The following MLPH variants were observed in gnomAD, a reference collection of about 807,000 sequenced individuals.
The protein encoded by MLPH is exophilin-3.
A neutral mutation model predicts 72.1 loss-of-function variants in MLPH; 51 were observed. The observed-to-expected ratio is 0.71, with a 90% CI of 0.56 to 0.89. MLPH has a LOEUF of 0.89. Among genes scored for constraint, MLPH ranks in the 40% least tolerant of loss-of-function variants. MLPH has a pLI of 0.00. For synonymous variants in MLPH, 301 were observed against 310.1 expected, an observed-to-expected ratio of 0.97 and a Z score of 0.31; for missense variants, 743 against 759.9, an observed-to-expected ratio of 0.98 and a Z score of 0.26.
rs574477722 is a variant in MLPH, at chr2:237,499,904, C to G, written c.110+6368C>G. ...AGACTACAGGCATGCATCACCACAC[C>G]TAGCTAATTTTTTAAATTTTTTGTA... is the stretch of plus-strand genomic sequence containing the variant. On this transcript the variant is annotated intron_variant, in intron 2 of 15. Coordinates refer to ENST00000264605, the MANE Select transcript of MLPH (RefSeq NM_024101.7). Among the ~76,000 whole-genome samples, 292 of 152,152 alleles carry G rather than the reference C, an allele frequency of 1.9e-3. 3 individuals carry two copies. Among genetic ancestry groups the G allele is most frequent in the African/African-American group, 6.4e-3 (264 of 41,498 alleles).
rs374454035 is a variant in MLPH at position 237,519,853 on chromosome 2, G to T, written c.556-57G>T. 8.8e-5 allele frequency: 142 copies of T among 1,613,338 alleles called. 3 individuals are homozygous for T. In the East Asian group the frequency reaches 1.4e-3, roughly 15 times the overall value. On this transcript the variant is annotated intron_variant, in intron 5 of 15. Coordinates refer to ENST00000264605, the MANE Select transcript of MLPH (RefSeq NM_024101.7). ...GGGTTGGGGAGGTGCAGGGTATTTG[G>T]TCCTCTCCCTCAAGCTAGCCCTGAC...
chr2:237,547,401 G>T (rs75801997), intron 13 of MLPH, among the ~76,000 whole-genome samples: 54 of 48,712 alleles, frequency 1.1e-3, no homozygotes, highest in Non-Finnish European at 1.2e-3. Flanking sequence ...TGGGAGGGAG[G>T]AGCTCCCCGT....
intron 2 of MLPH, among the ~76,000 whole-genome samples, chr2:237,497,475 C>T (rs2079558304): frequency 6.6e-6 from 1 of 152,210 alleles, no homozygotes; most frequent in Admixed American, 6.5e-5. Flanking sequence ...CGGGGAGTGG[C>T]AGGGCCCCAG....
intron 14 of MLPH, among the ~76,000 whole-genome samples, chr2:237,551,129 C>A (rs964117763): frequency 6.6e-6 from 1 of 151,572 alleles, no homozygotes; most frequent in South Asian, 2.1e-4. Context: ...CAGCCCCGCA[C>A]ACTGGCAGGT....
In MLPH at chr2:237,525,663, G is replaced by A; in HGVS notation, c.738G>A (p.Glu246=). 5 of 1,614,184 alleles carry A rather than the reference G, an allele frequency of 3.1e-6. No individual in the cohort carries two copies. Among genetic ancestry groups the A allele is most frequent in the Non-Finnish European group, 4.2e-6 (5 of 1,180,036 alleles). ...CTCACAAGGCTGAGGGCCTGGAGGA[G>A]GCTGATACTGGGGCCTCTGGGTGCC... is the stretch of plus-strand genomic sequence containing the variant. ...AAPHKAEGLE[E]ADTGASGCHS... is the part of the protein sequence containing the mutation. Residue 246 remains glutamate, a synonymous_variant, in exon 7 of 16, where the codon GAG becomes GAA. Transcript: ENST00000264605.
chr2:237,506,244 TA>T, intron 2 of MLPH, among the ~76,000 whole-genome samples: 1 of 152,326 alleles, frequency 6.6e-6, no homozygotes, highest in East Asian at 1.9e-4. Context: ...AAAATAACAG[TA>T]AACCCCCTAC....
intron 4 of MLPH, among the ~76,000 whole-genome samples, chr2:237,515,416 G>C (rs1393009879): frequency 1.3e-5 from 2 of 152,180 alleles, no homozygotes; most frequent in African/African-American, 4.8e-5. Context: ...CCAGTGAATA[G>C]GGACACTTGT....
At chr2:237,540,703 G>T in intron 10 of MLPH, 99 bp from the exon 11 acceptor site, 4 of 1,541,778 alleles carry the variant, frequency 2.6e-6, no homozygotes, top group Non-Finnish European at 3.5e-6. Context: ...CCAGCTCCCA[G>T]GGTTCAGAGA....
chr2:237,503,106 G>A (rs529962587), intron 2 of MLPH, among the ~76,000 whole-genome samples: 4 of 152,112 alleles, frequency 2.6e-5, no homozygotes, highest in South Asian at 2.1e-4. Flanking sequence ...GCAGCAGAGC[G>A]AAATTCCATC....
chr2:237,517,673 G>A (rs1389851825), intron 4 of MLPH, among the ~76,000 whole-genome samples: 2 of 148,004 alleles, frequency 1.4e-5, no homozygotes, highest in East Asian at 4.1e-4. Flanking sequence ...AGGTGAATGA[G>A]TGGGTAGATG....
At chr2:237,549,863 C>T (rs2080997900) in intron 14 of MLPH, among the ~76,000 whole-genome samples, 1 of 152,184 alleles carries the variant, frequency 6.6e-6, no homozygotes, top group Non-Finnish European at 1.5e-5. Flanking sequence ...GTCTTCTGAG[C>T]TTTGCCCTCA....
At chr2:237,488,718 G>T (rs2079370198) in intron 1 of MLPH, among the ~76,000 whole-genome samples, 1 of 152,196 alleles carries the variant, frequency 6.6e-6, no homozygotes, top group Non-Finnish European at 1.5e-5. Flanking sequence ...CGACATGAGT[G>T]ACTCAGAAAA....
intron 12 of MLPH, chr2:237,545,485 G>A: frequency 1.6e-6 from 2 of 1,288,448 alleles, no homozygotes; most frequent in Non-Finnish European, 2.0e-6. Flanking sequence ...CTGAGCCTCT[G>A]CTCTGAGGAT....
At position 237,542,515 on chromosome 2, in the gene MLPH, C is replaced by T. The variant is rs377670141; in HGVS notation, c.1447-52C>T. ...GCTCTTTCTGTCCATGACTTTGAGG[C>T]GGGATCTCGAGCGTCTGTCTGACGG... is the stretch of plus-strand genomic sequence containing the variant. On this transcript the variant is annotated intron_variant, in intron 11 of 15. Transcript: ENST00000264605. 321 of 1,414,290 alleles carry T rather than the reference C, an allele frequency of 2.3e-4. 2 individuals carry two copies. The highest frequency in any genetic ancestry group is 3.5e-4 in the Middle Eastern group (2 of 5,738). The allele number at this position is 1,414,290 out of a possible 1,614,324, so 87.6% of individuals were successfully genotyped here. A position where few individuals can be genotyped will look rare whatever the true frequency, so the allele number is the denominator to read the frequency against.
intron 8 of MLPH, among the ~76,000 whole-genome samples, chr2:237,532,422 G>T (rs548838922): frequency 6.6e-6 from 1 of 152,366 alleles, no homozygotes; most frequent in South Asian, 2.1e-4. Context: ...CTAAGGGGCT[G>T]AGATGGGAGA....
chr2:237,494,888 G>A (rs1055384568), intron 2 of MLPH, among the ~76,000 whole-genome samples: 3 of 152,230 alleles, frequency 2.0e-5, no homozygotes, highest in Non-Finnish European at 4.4e-5. Flanking sequence ...TGCTGCATAT[G>A]TGACTTGTAC....
At chr2:237,529,251 C>A (rs2080370358) in intron 8 of MLPH, among the ~76,000 whole-genome samples, 1 of 152,144 alleles carries the variant, frequency 6.6e-6, no homozygotes, top group Non-Finnish European at 1.5e-5. Context: ...CCATGCTGAC[C>A]AGTCTGGTCT....
At chr2:237,516,466 A>T (rs1320015820) in intron 4 of MLPH, among the ~76,000 whole-genome samples, 4 of 152,212 alleles carry the variant, frequency 2.6e-5, no homozygotes, top group Admixed American at 2.6e-4. Context: ...GCTGACCAGC[A>T]AATGCTATGA....
chr2:237,527,279 C>T (rs1037210382), intron 7 of MLPH, 98 bp from the exon 8 acceptor site: 9 of 1,484,254 alleles, frequency 6.1e-6, no homozygotes, highest in Non-Finnish European at 8.5e-6. Flanking sequence ...CTTATGTCTT[C>T]ATTTTCTTTG....
Sources: gnomAD v4.1 joint callset for allele counts (sites outside exome capture counted in the v4.1 genomes callset) on GRCh38, gnomAD v4.1.1 for gene constraint, MANE v1.5 for transcripts, NCBI Gene and HGNC (gene_info 2026-07-23, HGNC 2026-07-21) for gene names.